Variants in LARGE1 observed in about 807,000 individuals in gnomAD.
LARGE1 encodes xylosyl- and glucuronyltransferase LARGE1.
LARGE1 carries 43 observed loss-of-function variants against 87.6 expected under a neutral mutation model. The observed-to-expected ratio is 0.49, with a 90% CI of 0.38 to 0.63. The LOEUF is 0.63. Among genes scored for constraint, LARGE1 ranks in the 30% least tolerant of loss-of-function variants. The probability of loss-of-function intolerance (pLI) is 0.00; values close to 1 mark genes in which losing one functional copy is unlikely to be tolerated. For missense variants in LARGE1, 802 were observed against 1,000.2 expected, an observed-to-expected ratio of 0.80 and a Z score of 2.67; for synonymous variants, 434 against 394.6, an observed-to-expected ratio of 1.10 and a Z score of -1.18.
At chr22:33,744,105 ACT>A (rs2083991049) in intron 2 of LARGE1, 1 of 152,048 alleles carries the variant, frequency 6.6e-6, no homozygotes, top group Non-Finnish European at 1.5e-5. Flanking sequence ...TTTTTTTAAT[ACT>A]CTATTTTATT....
chr22:33,091,795 T>A, the LARGE1 span, among the ~76,000 whole-genome samples: 4 of 152,228 alleles, frequency 2.6e-5, no homozygotes, highest in Non-Finnish European at 4.4e-5. Flanking sequence ...GGAGATTCAT[T>A]GTGAGACTTT....
At chr22:33,074,453 C>T in the LARGE1 span, among the ~76,000 whole-genome samples, 3,315 of 152,160 alleles carry the variant, frequency 0.022, 120 homozygotes, top group African/African-American at 0.075. Flanking sequence ...GGTGGGCAGA[C>T]CACTTGAGGT....
chr22:33,108,993 T>C, the LARGE1 span: 2 of 152,174 alleles, frequency 1.3e-5, no homozygotes, highest in Non-Finnish European at 2.9e-5. Flanking sequence ...GTCAAGCTGA[T>C]GAGGTTGTGG....
chr22:33,652,204 A>G (rs539038530), intron 2 of LARGE1, among the ~76,000 whole-genome samples: 1 of 152,028 alleles, frequency 6.6e-6, no homozygotes, highest in South Asian at 2.1e-4. Context: ...AAAACAACAC[A>G]AAAAACTGAG....
intron 6 of LARGE1, among the ~76,000 whole-genome samples, chr22:33,529,456 G>A (rs2072085697): frequency 6.6e-6 from 1 of 152,204 alleles, no homozygotes; most frequent in South Asian, 2.1e-4. Context: ...AGCAAAAAAT[G>A]ATAGCAGACA....
At chr22:33,277,337 G>C in intron 13 of LARGE1, 82 bp from the exon 14 acceptor site, 4 of 1,322,956 alleles carry the variant, frequency 3.0e-6, no homozygotes, top group Non-Finnish European at 4.3e-6. Flanking sequence ...GGAAGAAGGG[G>C]TGTACACTGA....
chr22:33,120,426 C>CTTTCTTTCTT, the LARGE1 span, among the ~76,000 whole-genome samples: 1 of 112,648 alleles, frequency 8.9e-6, no homozygotes. Context: ...TTCTTTCTTT[C>CTTTCTTTCTT]TCTCTCTCTC....
chr22:33,502,458 C>T (rs34593514), intron 6 of LARGE1, among the ~76,000 whole-genome samples: 19,654 of 152,110 alleles, frequency 0.13, 2,090 homozygotes, highest in African/African-American at 0.3. Context: ...AGCAGGCATG[C>T]AGGGAGCGGT....
At chr22:33,336,016 T>C (rs1455720906) in intron 10 of LARGE1, among the ~76,000 whole-genome samples, 1 of 152,192 alleles carries the variant, frequency 6.6e-6, no homozygotes, top group Non-Finnish European at 1.5e-5. Flanking sequence ...GCAGAATAAG[T>C]AGAAGGTCCT....
chr22:33,626,870 G>T (rs1300030495), intron 3 of LARGE1, among the ~76,000 whole-genome samples: 1 of 152,200 alleles, frequency 6.6e-6, no homozygotes, highest in Non-Finnish European at 1.5e-5. Context: ...AACCCAAGGG[G>T]TCATCTCAAC....
intron 2 of LARGE1, among the ~76,000 whole-genome samples, chr22:33,680,505 A>C (rs1375780808): frequency 6.7e-6 from 1 of 150,148 alleles, no homozygotes; most frequent in Non-Finnish European, 1.5e-5. Flanking sequence ...ATTTGTATTG[A>C]TCAGCCTTTA....
At chr22:33,777,906 T>A (rs2085300040) in intron 1 of LARGE1, among the ~76,000 whole-genome samples, 1 of 152,160 alleles carries the variant, frequency 6.6e-6, no homozygotes, top group Non-Finnish European at 1.5e-5. Flanking sequence ...ACATTGCAGA[T>A]TCAGTCACAC....
intron 7 of LARGE1, among the ~76,000 whole-genome samples, chr22:33,427,767 C>T (rs974999371): frequency 6.6e-6 from 1 of 152,242 alleles, no homozygotes; most frequent in Admixed American, 6.5e-5. Flanking sequence ...GCCACCACAA[C>T]AGAGCCTCCG....
chr22:33,311,198 G>C (rs1391550975), intron 11 of LARGE1, among the ~76,000 whole-genome samples: 1 of 152,092 alleles, frequency 6.6e-6, no homozygotes, highest in Non-Finnish European at 1.5e-5. Context: ...CTGACCTTGT[G>C]ATCTGCCTGC....
intron 2 of LARGE1, among the ~76,000 whole-genome samples, chr22:33,701,157 G>A (rs1215857571): frequency 2.6e-5 from 4 of 152,146 alleles, no homozygotes; most frequent in African/African-American, 9.7e-5. Context: ...GGGGAACGCA[G>A]GTGCTACAGG....
intron 6 of LARGE1, among the ~76,000 whole-genome samples, chr22:33,450,209 G>A (rs1483555561): frequency 6.6e-6 from 1 of 152,044 alleles, no homozygotes; most frequent in East Asian, 1.9e-4. Context: ...ACTGCACCTG[G>A]CCGAGGCTTT....
chr22:33,742,428 C>T (rs2083918950), intron 2 of LARGE1, among the ~76,000 whole-genome samples: 1 of 152,156 alleles, frequency 6.6e-6, no homozygotes, highest in South Asian at 2.1e-4. Context: ...CTTCGTGCAC[C>T]GAGCACAATG....
chr22:33,375,417 G>A (rs534695926), intron 9 of LARGE1, among the ~76,000 whole-genome samples: 1 of 152,284 alleles, frequency 6.6e-6, no homozygotes, highest in South Asian at 2.1e-4. Flanking sequence ...TGTAAGCCAG[G>A]TGGGCAGACC....
intron 1 of LARGE1, among the ~76,000 whole-genome samples, chr22:33,915,735 A>G (rs1297178562): frequency 6.6e-6 from 1 of 152,224 alleles, no homozygotes; most frequent in Non-Finnish European, 1.5e-5. Context: ...TACACAGAGC[A>G]AGAAGCGGGG....
Sources: gnomAD v4.1 joint callset for allele counts (sites outside exome capture counted in the v4.1 genomes callset) on GRCh38, gnomAD v4.1.1 for gene constraint, MANE v1.5 for transcripts, NCBI Gene and HGNC (gene_info 2026-07-23, HGNC 2026-07-21) for gene names.